The following NEXN variants were observed in gnomAD, a reference collection of about 807,000 sequenced individuals.
NEXN encodes nexilin F-actin binding protein, also known as nexilin.
Under a neutral mutation model 92.6 loss-of-function variants are expected in NEXN, and 65 were observed. The ratio of observed to expected loss-of-function variants is 0.70; its 90% CI spans 0.57 to 0.86. The LOEUF is 0.86. Ranked by LOEUF, NEXN falls within the 40% of genes least tolerant of loss-of-function variation. The pLI, the probability that NEXN is intolerant of heterozygous loss-of-function variation, is 0.00. For missense variants in NEXN, 778 were observed against 771.1 expected (o/e 1.01, Z -0.11); for synonymous variants, 254 against 242.5 (o/e 1.05, Z -0.44).
chr1:77,926,994 G>C (rs1649902925), intron 8 of NEXN, 102 bp downstream of exon 8: 1 of 1,417,920 alleles, frequency 7.1e-7, no homozygotes, highest in South Asian at 1.2e-5. Flanking sequence ...CATATAGAAG[G>C]GCTGATTTTC....
intron 9 of NEXN, 163 bp from the exon 10 acceptor site, chr1:77,933,119 T>C: frequency 3.7e-6 from 2 of 540,786 alleles, no homozygotes; most frequent in Non-Finnish European, 6.6e-6. Flanking sequence ...TGAGATCACA[T>C]CATTGCACTC....
chr1:77,890,747 C>CA (rs1026571039), intron 1 of NEXN, among the ~76,000 whole-genome samples: 21 of 149,854 alleles, frequency 1.4e-4, no homozygotes, highest in South Asian at 8.4e-4. Context: ...CCCTAAAAGA[C>CA]AAAAAAAAGG....
intron 11 of NEXN, among the ~76,000 whole-genome samples, chr1:77,939,482 G>GT (rs1350640077): frequency 1.3e-5 from 2 of 152,192 alleles, no homozygotes; most frequent in Non-Finnish European, 2.9e-5. Flanking sequence ...CTTTATAGGT[G>GT]TAACATGGAA....
chr1:77,942,434 A>T, intron 12 of NEXN, 27 bp from the exon 13 acceptor site: 1 of 1,601,670 alleles, frequency 6.2e-7, no homozygotes, highest in Non-Finnish European at 8.6e-7. Context: ...TATAAATGCC[A>T]ACCTGAATGC....
chr1:77,936,505 A>C (rs181953717), intron 11 of NEXN, among the ~76,000 whole-genome samples: 100 of 152,274 alleles, frequency 6.6e-4, no homozygotes, highest in East Asian at 3.9e-4. Context: ...TTCAAGTTAA[A>C]CTCCAGATTA....
intron 9 of NEXN, among the ~76,000 whole-genome samples, chr1:77,929,939 A>G (rs1384290858): frequency 6.6e-6 from 1 of 151,878 alleles, no homozygotes; most frequent in African/African-American, 2.4e-5. Flanking sequence ...CACCTACTAT[A>G]TATTAAATGA....
At chr1:77,905,159 T>A (rs1166707) in intron 1 of NEXN, among the ~76,000 whole-genome samples, 2 of 151,896 alleles carry the variant, frequency 1.3e-5, no homozygotes, top group Admixed American at 6.6e-5. Flanking sequence ...CTACTCAGGA[T>A]GCTGAGGCAG....
chr1:77,912,415 C>T (rs1222668516), intron 1 of NEXN, among the ~76,000 whole-genome samples: 1 of 152,070 alleles, frequency 6.6e-6, no homozygotes, highest in Non-Finnish European at 1.5e-5. Flanking sequence ...ATCAAAATCC[C>T]AGCATATTAT....
intron 11 of NEXN, 146 bp from the exon 12 acceptor site, chr1:77,941,877 G>GA (rs969534099): frequency 1.4e-6 from 1 of 725,580 alleles, no homozygotes. Flanking sequence ...TGGAGAGTTA[G>GA]AAAAAATCTG....
chr1:77,924,026 T>C (rs1478822084), intron 5 of NEXN, among the ~76,000 whole-genome samples: 2 of 152,096 alleles, frequency 1.3e-5, no homozygotes, highest in Non-Finnish European at 2.9e-5. Context: ...CTCGTCAAAA[T>C]ATAGAGAAAA....
intron 1 of NEXN, among the ~76,000 whole-genome samples, chr1:77,890,141 A>G (rs553762659): frequency 1.2e-4 from 18 of 152,268 alleles, no homozygotes; most frequent in Non-Finnish European, 2.5e-4. Flanking sequence ...ACTTTGATTA[A>G]CCAATGTAGC....
intron 9 of NEXN, 103 bp downstream of exon 9, chr1:77,929,607 G>A: frequency 6.7e-7 from 1 of 1,481,484 alleles, no homozygotes; most frequent in Non-Finnish European, 9.3e-7. Flanking sequence ...TCTGGAAACT[G>A]TGCCAAGAGT....
At chr1:77,929,221 G>A in intron 8 of NEXN, 95 bp from the exon 9 acceptor site, 1 of 843,422 alleles carries the variant, frequency 1.2e-6, no homozygotes, top group Non-Finnish European at 2.0e-6. Flanking sequence ...TGAAACTCCT[G>A]TGTGATAGTG....
intron 1 of NEXN, among the ~76,000 whole-genome samples, chr1:77,908,265 T>C (rs1302217777): frequency 3.3e-5 from 5 of 152,046 alleles, no homozygotes; most frequent in Non-Finnish European, 7.4e-5. Flanking sequence ...TCAGTAGAGA[T>C]GAGTCTCGCT....
chr1:77,923,677 C>A (rs1335859624), intron 5 of NEXN, among the ~76,000 whole-genome samples: 1 of 121,006 alleles, frequency 8.3e-6, no homozygotes, highest in Middle Eastern at 5.2e-3. Flanking sequence ...AAATTGAGCT[C>A]TCTTTTTTTT....
chr1:77,903,843 T>G (rs935990994), intron 1 of NEXN, among the ~76,000 whole-genome samples: 2 of 152,160 alleles, frequency 1.3e-5, no homozygotes, highest in Non-Finnish European at 2.9e-5. Flanking sequence ...GAGGATTGCT[T>G]GAGCCCAGGA....
At chr1:77,891,983 C>T (rs1351767546) in intron 1 of NEXN, among the ~76,000 whole-genome samples, 2 of 151,282 alleles carry the variant, frequency 1.3e-5, no homozygotes, top group African/African-American at 2.4e-5. Flanking sequence ...CCTGGGAGGC[C>T]GAGGCAGGAG....
chr1:77,933,782 A>G (rs779886952), intron 10 of NEXN, among the ~76,000 whole-genome samples: 40 of 152,246 alleles, frequency 2.6e-4, no homozygotes, highest in Middle Eastern at 3.4e-3. Flanking sequence ...TATATAGACT[A>G]TACAGTGCCA....
chr1:77,906,585 GA>G (rs1223968541), intron 1 of NEXN, among the ~76,000 whole-genome samples: 1 of 152,118 alleles, frequency 6.6e-6, no homozygotes. Flanking sequence ...GAATTTTTAT[GA>G]GGGGGTTTAT....
Sources: allele counts gnomAD v4.1 joint callset (sites outside exome capture counted in the v4.1 genomes callset), GRCh38; gene constraint gnomAD v4.1.1; transcripts MANE v1.5; gene names NCBI Gene and HGNC (gene_info 2026-07-23, HGNC 2026-07-21).